The following C10orf90 variants were observed in gnomAD, a reference collection of about 807,000 sequenced individuals.
C10orf90 encodes the protein (E2-independent) E3 ubiquitin-conjugating enzyme FATS.
A neutral mutation model predicts 62.5 loss-of-function variants in C10orf90; 56 were observed. The observed-to-expected ratio is 0.90, with a 90% CI of 0.72 to 1.12. C10orf90 has a LOEUF of 1.12. C10orf90 is among the 50% of genes most tolerant of loss of function. The pLI is 0.00. For missense variants in C10orf90, 970 were observed against 880.4 expected (o/e 1.10, Z -1.29); for synonymous variants, 386 against 340.4 (o/e 1.13, Z -1.47).
intron 2 of C10orf90, among the ~76,000 whole-genome samples, chr10:126,609,995 C>T (rs1341828145): frequency 6.6e-6 from 1 of 152,156 alleles, no homozygotes; most frequent in Non-Finnish European, 1.5e-5. Flanking sequence ...AGCCTCCAGG[C>T]AGAACACATC....
chr10:126,556,127 T>G (rs1047599152), intron 2 of C10orf90, among the ~76,000 whole-genome samples: 2 of 152,228 alleles, frequency 1.3e-5, no homozygotes, highest in Non-Finnish European at 2.9e-5. Context: ...TGGTCTGGCA[T>G]GTGGTCAAGT....
At chr10:126,469,805 T>G (rs758164959) in intron 4 of C10orf90, 2 of 453,616 alleles carry the variant, frequency 4.4e-6, no homozygotes, top group South Asian at 3.1e-5. Context: ...GGAAACCAGT[T>G]AAGAGAGATT....
At chr10:126,622,575 C>T (rs1026632111) in intron 2 of C10orf90, among the ~76,000 whole-genome samples, 2 of 152,328 alleles carry the variant, frequency 1.3e-5, no homozygotes, top group South Asian at 4.1e-4. Flanking sequence ...AGGATCCCTG[C>T]CACTACAAAG....
At chr10:126,452,798 T>C (rs1859289941) in intron 7 of C10orf90, among the ~76,000 whole-genome samples, 1 of 152,250 alleles carries the variant, frequency 6.6e-6, no homozygotes, top group Admixed American at 6.5e-5. Context: ...TAATTCATGC[T>C]TCCTGTTTTC....
Position 126,529,465 on chromosome 10 carries a change from T to C in C10orf90, c.314-15526A>G, listed in dbSNP as rs951216018. 2.6e-5 allele frequency among the ~76,000 whole-genome samples: 4 copies of C among 152,284 alleles called. No homozygotes were observed. The South Asian group carries it at 6.2e-4, about 24-fold the overall frequency. On this transcript the variant is annotated intron_variant, in intron 2 of 9. Coordinates refer to ENST00000488181, the MANE Select transcript of C10orf90 (RefSeq NM_001350921.2). The stretch of plus-strand genomic sequence containing the variant: ...TAGAAAAAGATGTTTGTAACCCATA[T>C]AACAGACAAAGGGTTATTATGGTTA...
chr10:126,483,473 G>A (rs1004039278), intron 4 of C10orf90, among the ~76,000 whole-genome samples: 1 of 152,170 alleles, frequency 6.6e-6, no homozygotes, highest in Non-Finnish European at 1.5e-5. Flanking sequence ...GTGCTGACTT[G>A]ATCTATACTC....
chr10:126,643,947 T>A (rs991484484), intron 2 of C10orf90, among the ~76,000 whole-genome samples: 1 of 152,220 alleles, frequency 6.6e-6, no homozygotes, highest in African/African-American at 2.4e-5. Flanking sequence ...TGCTTAGCCC[T>A]CCTTTTGTAG....
At chr10:126,646,729 A>C (rs1846180471) in intron 1 of C10orf90, 92 bp from the exon 2 acceptor site, 7 of 291,342 alleles carry the variant, frequency 2.4e-5, no homozygotes, top group South Asian at 1.2e-4. Flanking sequence ...TTAATCAGGA[A>C]CATCCTGGAA....
At chr10:126,470,966 C>T (rs998901504) in intron 4 of C10orf90, among the ~76,000 whole-genome samples, 6 of 152,098 alleles carry the variant, frequency 3.9e-5, no homozygotes, top group South Asian at 2.1e-4. Flanking sequence ...TGTATTTCAC[C>T]GCATCCAGAC....
intron 2 of C10orf90, among the ~76,000 whole-genome samples, chr10:126,612,925 C>T (rs1845468594): frequency 6.6e-6 from 1 of 152,146 alleles, no homozygotes; most frequent in African/African-American, 2.4e-5. Context: ...AGGAAAAATG[C>T]TCGCCCTCGC....
intron 1 of C10orf90, among the ~76,000 whole-genome samples, chr10:126,658,770 A>C (rs1178253885): frequency 6.6e-6 from 1 of 152,098 alleles, no homozygotes; most frequent in Admixed American, 6.5e-5. Flanking sequence ...TGATTGATTG[A>C]TTGATTGATT....
chr10:126,626,967 T>C (rs1482799717), intron 2 of C10orf90, among the ~76,000 whole-genome samples: 1 of 151,882 alleles, frequency 6.6e-6, no homozygotes, highest in Non-Finnish European at 1.5e-5. Flanking sequence ...AGACAGGAGC[T>C]GTGATTTAGA....
At chr10:126,587,265 T>C (rs1466270479) in intron 2 of C10orf90, among the ~76,000 whole-genome samples, 3 of 152,238 alleles carry the variant, frequency 2.0e-5, no homozygotes, top group Non-Finnish European at 4.4e-5. Flanking sequence ...CCACATCCTA[T>C]GAAATGTATT....
chr10:126,646,536 C>A (rs1330614856), intron 2 of C10orf90, 29 bp downstream of exon 2: 2 of 379,160 alleles, frequency 5.3e-6, no homozygotes, highest in Non-Finnish European at 1.0e-5. Context: ...TGAAAGGGAA[C>A]CCTGCCTGGG....
chr10:126,428,129 G>A lies in C10orf90; in HGVS notation c.2252+1658C>T, dbSNP rs189046801. On this transcript the variant is annotated intron_variant, in intron 8 of 9. Coordinates refer to ENST00000488181, the MANE Select transcript of C10orf90 (RefSeq NM_001350921.2). The stretch of plus-strand genomic sequence containing the variant: ...GGGGCTCACAGACATAAAGTGAAAA[G>A]CAAGCTACCGAGAGATAGTGTGTAG... Among the ~76,000 whole-genome samples, 12 of 152,286 alleles carry A rather than the reference G, an allele frequency of 7.9e-5. No homozygotes were observed. In the East Asian group the frequency reaches 2.3e-3, roughly 29 times the overall value.
At chr10:126,506,943 T>C (rs554813941) in intron 3 of C10orf90, among the ~76,000 whole-genome samples, 20 of 149,652 alleles carry the variant, frequency 1.3e-4, no homozygotes, top group African/African-American at 1.7e-4. Flanking sequence ...TGTGTGTGTG[T>C]GCGTGCGTGT....
intron 2 of C10orf90, among the ~76,000 whole-genome samples, chr10:126,622,712 C>A (rs1845670583): frequency 6.6e-6 from 1 of 152,206 alleles, no homozygotes; most frequent in Non-Finnish European, 1.5e-5. Context: ...TCCCCTGAAA[C>A]CTGAATGACA....
intron 2 of C10orf90, among the ~76,000 whole-genome samples, chr10:126,537,451 T>C (rs1346692953): frequency 2.6e-5 from 4 of 152,170 alleles, no homozygotes; most frequent in Admixed American, 2.6e-4. Context: ...AAACGGAACA[T>C]CTTTAATAGA....
chr10:126,627,644 G>A (rs1477060572), intron 2 of C10orf90, among the ~76,000 whole-genome samples: 1 of 152,198 alleles, frequency 6.6e-6, no homozygotes, highest in Non-Finnish European at 1.5e-5. Context: ...CCTTCTGGCA[G>A]TTAAAGGTAA....
Sources: allele counts gnomAD v4.1 joint callset (sites outside exome capture counted in the v4.1 genomes callset), GRCh38; gene constraint gnomAD v4.1.1; transcripts MANE v1.5; gene names NCBI Gene and HGNC (gene_info 2026-07-23, HGNC 2026-07-21).